Variants in SLC43A2 observed in about 807,000 individuals in gnomAD.
The protein encoded by SLC43A2 is solute carrier family 43 member 2, also known as large neutral amino acids transporter small subunit 4.
In SLC43A2, 38 loss-of-function variants were observed where a neutral mutation model predicts 63.2. That is an observed-to-expected ratio of 0.60 (90% confidence interval 0.46 to 0.79). The LOEUF (loss-of-function observed/expected upper bound fraction) is 0.79. SLC43A2 is among the 30% of genes least tolerant of loss of function. The pLI, the probability that SLC43A2 is intolerant of heterozygous loss-of-function variation, is 0.00. For synonymous variants in SLC43A2, 322 were observed against 331.0 expected (o/e 0.97, Z 0.30); for missense variants, 644 against 756.2 (o/e 0.85, Z 1.74).
At position 1,591,143 on chromosome 17, in the gene SLC43A2, C is replaced by T. The variant is rs949532497; in HGVS notation, c.931+126G>A. 106 of 1,343,906 alleles carry T rather than the reference C, an allele frequency of 7.9e-5. No homozygotes were observed. In the African/African-American group the frequency reaches 1.4e-3, roughly 18 times the overall value. The allele number at this position is 1,343,906 out of a possible 1,614,324, so 83.2% of individuals were successfully genotyped here. ...ATCCCTTTCCCTCCCCCAGGCCTTC[C>T]TGAGCGCCTCTGCAGAACAGGGCGG... On this transcript the variant is annotated intron_variant, in intron 8 of 13. Coordinates refer to ENST00000301335, the MANE Select transcript of SLC43A2 (RefSeq NM_152346.3).
At position 1,593,072 on chromosome 17, in the gene SLC43A2, G is replaced by T; in HGVS notation, c.594+115C>A. Reference sequence around the variant, plus strand: ...GCCCAGGTGCATCCTGCCCGGGTGGGGGTGGTGGAGAGGGGCCACCCCGGG... The same window carrying T: ...GCCCAGGTGCATCCTGCCCGGGTGGTGGTGGTGGAGAGGGGCCACCCCGGG... On this transcript the variant is annotated intron_variant, in intron 6 of 13. Coordinates refer to ENST00000301335, the MANE Select transcript of SLC43A2 (RefSeq NM_152346.3). The surrounding 1 kb of genome is among the most constrained non-coding windows in gnomAD (Gnocchi z 5.3). The T allele has an allele frequency of 1.1e-6, 1 of 917,630 alleles. No homozygotes were observed. 56.8% of individuals were successfully genotyped at this position (917,630 alleles called of 1,614,324 possible). A position where few individuals can be genotyped will look rare whatever the true frequency, so the allele number is the denominator to read the frequency against.
In SLC43A2 at chr17:1,583,332, C is replaced by T. The variant is rs148869741; in HGVS notation, c.1222G>A (p.Glu408Lys). 70 of 1,614,106 alleles carry T rather than the reference C, an allele frequency of 4.3e-5. No homozygotes were observed. Among genetic ancestry groups the T allele is most frequent in the Middle Eastern group, 1.7e-4 (1 of 6,058 alleles). The part of the protein sequence containing the change: ...EPEEKDANQG[E>K]KKKKKRDRQI... The stretch of plus-strand genomic sequence containing the variant: ...CGGTCCCGCTTCTTCTTTTTCTTCT[C>T]GCCTCTGTGGAGACACAGAACGTGC... Residue 408 changes from glutamate (E) to lysine (K), a missense_variant, in exon 11 of 14, where the codon GAG becomes AAG. This residue lies in a region of SLC43A2 where 528 missense variants were observed against 623.6 expected (regional missense o/e 0.85). Transcript: ENST00000301335. The surrounding 1 kb of genome is among the most constrained non-coding windows in gnomAD (Gnocchi z 5.5).
intron 5 of SLC43A2, chr17:1,603,058 C>T (rs1291305173): frequency 6.6e-6 from 1 of 151,780 alleles, no homozygotes; most frequent in South Asian, 2.1e-4. Context: ...TGCGCCCGGC[C>T]GAGGGTTTTA....
In SLC43A2 at chr17:1,593,484, A is replaced by G. The variant is rs757386538; in HGVS notation, c.502-205T>C. Among the ~76,000 whole-genome samples the G allele has an allele frequency of 1.3e-5, 2 of 151,960 alleles. No individual in the cohort carries two copies. Among genetic ancestry groups the G allele is most frequent in the Non-Finnish European group, 2.9e-5 (2 of 67,982 alleles). On this transcript the variant is annotated intron_variant, in intron 5 of 13. Coordinates refer to ENST00000301335, the MANE Select transcript of SLC43A2 (RefSeq NM_152346.3). The surrounding 1 kb of genome is among the most constrained non-coding windows in gnomAD (Gnocchi z 5.3). ...CTGAGGCTGATGGGGCCAAGGAGGG[A>G]GGTAATGCAGAATACAAGCAGTTGT...
intron 5 of SLC43A2, chr17:1,604,508 C>A: frequency 1.7e-6 from 1 of 572,398 alleles, no homozygotes; most frequent in South Asian, 2.1e-5. Context: ...CCTTAGGCAA[C>A]CTGGGGGTCC....
intron 2 of SLC43A2, among the ~76,000 whole-genome samples, chr17:1,625,599 G>T (rs546162791): frequency 6.6e-6 from 1 of 152,258 alleles, no homozygotes; most frequent in African/African-American, 2.4e-5. Context: ...CCAAATGCGG[G>T]GATTTCTGGC....
In SLC43A2 at chr17:1,614,932, A is replaced by G. The variant is rs372328163; in HGVS notation, c.424+47T>C. On this transcript the variant is annotated intron_variant, in intron 4 of 13. Coordinates refer to ENST00000301335, the MANE Select transcript of SLC43A2 (RefSeq NM_152346.3). ...GGTGGGCCTGGGAGCAGCTCAGGGC[A>G]CTCTCTCCCCGGTCCCTGACAGAAG... The G allele has an allele frequency of 1.7e-4, 271 of 1,597,960 alleles. 3 individuals are homozygous for G. In the African/African-American group the frequency reaches 3.0e-3, roughly 17 times the overall value.
At chr17:1,599,790 A>G (rs1464360424) in intron 5 of SLC43A2, among the ~76,000 whole-genome samples, 1 of 151,786 alleles carries the variant, frequency 6.6e-6, no homozygotes, top group Non-Finnish European at 1.5e-5. Flanking sequence ...CACGCCTGTA[A>G]TCCCAGCACT....
Position 1,593,167 on chromosome 17 carries a change from T to A in SLC43A2, c.594+20A>T, listed in dbSNP as rs1343260846. Reference sequence around the variant, plus strand: ...GAGCAGGCCTCTGCACAGACACCAGTGCAAAATACACGTGCTCACCTTGAT... The same window carrying A: ...GAGCAGGCCTCTGCACAGACACCAGAGCAAAATACACGTGCTCACCTTGAT... On this transcript the variant is annotated intron_variant, in intron 6 of 13. Transcript: ENST00000301335. This position sits in a 1 kb window ranked among gnomAD's most constrained non-coding sequence, Gnocchi z 5.3. The A allele has an allele frequency of 2.5e-6, 4 of 1,609,538 alleles. No homozygotes were observed. The African/African-American group carries it at 5.3e-5, about 22-fold the overall frequency.
At chr17:1,581,835 T>A (rs1462889278) in intron 11 of SLC43A2, among the ~76,000 whole-genome samples, 1 of 148,776 alleles carries the variant, frequency 6.7e-6, no homozygotes, top group Non-Finnish European at 1.5e-5. Flanking sequence ...AGACACAGCC[T>A]CACTCTGTCG....
chr17:1,571,739 C>A lies in SLC43A2; in HGVS notation c.*3865G>T, dbSNP rs7210066. ...AACAGAAAGGATCCACCAGGGCCTG[C>A]AACCACGTCTTTGGCCCCGGTGAGG... On this transcript the variant is annotated 3_prime_UTR_variant, in exon 14 of 14. Coordinates refer to ENST00000301335, the MANE Select transcript of SLC43A2 (RefSeq NM_152346.3). This position sits in a 1 kb window ranked among gnomAD's most constrained non-coding sequence, Gnocchi z 5.2. 0.34 allele frequency: 51,803 copies of A among 152,254 alleles called. 9,294 individuals carry two copies. Among genetic ancestry groups the A allele is most frequent in the African/African-American group, 0.44 (18,369 of 41,472 alleles). 9.4% of individuals were successfully genotyped at this position (152,254 alleles called of 1,614,324 possible).
At chr17:1,603,553 G>A (rs1196156123) in intron 5 of SLC43A2, among the ~76,000 whole-genome samples, 6 of 152,072 alleles carry the variant, frequency 3.9e-5, no homozygotes, top group Non-Finnish European at 8.8e-5. Flanking sequence ...GGGAGGCCGA[G>A]GCAGGGGATC....
intron 6 of SLC43A2, 40 bp from the exon 7 acceptor site, chr17:1,591,739 G>GCCGGGGC: frequency 3.9e-6 from 2 of 512,304 alleles, no homozygotes; most frequent in Non-Finnish European, 7.8e-6. Flanking sequence ...GGGGGAGGGG[G>GCCGGGGC]CAGAGTTAGC....
chr17:1,615,052 C>T lies in SLC43A2; in HGVS notation c.369-18G>A, dbSNP rs72820352. The T allele has an allele frequency of 4.1e-5, 66 of 1,613,652 alleles. No individual in the cohort carries two copies. In the African/African-American group the frequency reaches 6.0e-4, roughly 15 times the overall value. ...AGCAGGCGCTAAAACCAAGCAGAAA[C>T]GCAATGTTATTTACCATTATGACTT... On this transcript the variant is annotated intron_variant, in intron 3 of 13. Transcript: ENST00000301335.
chr17:1,604,939 C>T lies in SLC43A2; in HGVS notation c.501+8256G>A, dbSNP rs958701247. 160 of 1,516,790 alleles carry T rather than the reference C, an allele frequency of 1.1e-4. No individual in the cohort carries two copies. In the East Asian group the frequency reaches 3.0e-3, roughly 29 times the overall value. 94.0% of individuals were successfully genotyped at this position (1,516,790 alleles called of 1,614,324 possible). On this transcript the variant is annotated intron_variant, in intron 5 of 13. Transcript: ENST00000301335. The stretch of plus-strand genomic sequence containing the variant: ...TAATGGCTGTTCGAAGCCGCGGTGC[C>T]GGAGTGAGGGCTGAGCGCTGAGCAG...
At chr17:1,618,378 C>T (rs1907866550) in intron 2 of SLC43A2, among the ~76,000 whole-genome samples, 2 of 152,152 alleles carry the variant, frequency 1.3e-5, no homozygotes, top group South Asian at 4.1e-4. Flanking sequence ...ATTCAGAAAA[C>T]CTTCTGGAGC....
chr17:1,612,710 G>A (rs965116886), intron 5 of SLC43A2, among the ~76,000 whole-genome samples: 2 of 152,248 alleles, frequency 1.3e-5, no homozygotes, highest in African/African-American at 2.4e-5. Context: ...GGTGGCTCAC[G>A]CCTGTCACCC....
Position 1,613,248 on chromosome 17 carries a change from C to A in SLC43A2, c.448G>T (p.Ala150Ser). ...CCACCAAAGCCATTCAGAGCCAGGG[C>A]GATGAAGATGAGCACGGAGAGAGCT... ...PNALSVLIFI[A>S]LALNGFGGMC... Residue 150 changes from alanine to serine, a missense_variant, in exon 5 of 14, where the codon GCC (alanine) becomes TCC (serine). This residue lies in a region of SLC43A2 where 528 missense variants were observed against 623.6 expected (regional missense o/e 0.85). Transcript: ENST00000301335. 1 of 1,614,096 alleles carries A rather than the reference C, an allele frequency of 6.2e-7. No homozygotes were observed.
At chr17:1,580,918 T>C (rs992144783) in intron 11 of SLC43A2, among the ~76,000 whole-genome samples, 1 of 152,240 alleles carries the variant, frequency 6.6e-6, no homozygotes, top group Admixed American at 6.5e-5. Flanking sequence ...TTATTTTTAG[T>C]AGAGACAGGG....
Sources: gnomAD v4.1 joint callset for allele counts (sites outside exome capture counted in the v4.1 genomes callset) on GRCh38, gnomAD v4.1.1 for gene constraint, gnomAD v4.1.1 regional missense constraint, Gnocchi (gnomAD v3.1) non-coding constraint, MANE v1.5 for transcripts, NCBI Gene and HGNC (gene_info 2026-07-23, HGNC 2026-07-21) for gene names.